The following TNIP2 variants were observed in gnomAD, a reference collection of about 807,000 sequenced individuals.
TNIP2 encodes the protein TNFAIP3 interacting protein 2.
TNIP2 carries 30 observed loss-of-function variants against 43.7 expected under a neutral mutation model. The observed-to-expected ratio is 0.69, with a 90% confidence interval of 0.51 to 0.93. TNIP2 has a LOEUF of 0.93. TNIP2 is among the 40% of genes least tolerant of loss of function. The pLI is 0.00. For missense variants in TNIP2, 599 were observed against 591.0 expected, an observed-to-expected ratio of 1.01 and a Z score of -0.14; for synonymous variants, 260 against 254.6, an observed-to-expected ratio of 1.02 and a Z score of -0.20.
At position 2,742,430 on chromosome 4, in the gene TNIP2, C is replaced by T; in HGVS notation, c.1117G>A (p.Gly373Ser). 1 of 1,613,016 alleles carries T rather than the reference C, an allele frequency of 6.2e-7. No homozygotes were observed. The highest frequency in any genetic ancestry group is 1.1e-5 in the South Asian group (1 of 90,882). Reference sequence around the variant, plus strand: ...GACCCAGTCCCAGGCCTCCAGCCACCAGGCACCATAAGCTCTAATGCGTCG... The same window carrying T: ...GACCCAGTCCCAGGCCTCCAGCCACTAGGCACCATAAGCTCTAATGCGTCG... ...AADALELMVP[G>S]GWRPGTGSQQ... The change falls in exon 6 of 6, where the codon GGT (glycine) becomes AGT (serine). Residue 373 changes from glycine (G) to serine (S), a missense_variant. Gly to Ser is a moderately conservative substitution (Grantham distance 56, BLOSUM62 0). Transcript: ENST00000315423.
rs1290033247 is a variant in TNIP2 at position 2,744,305 on chromosome 4, GAC to G, written c.1026+80_1026+81del. The G allele has an allele frequency of 6.4e-7, 1 of 1,564,766 alleles. No homozygotes were observed. Among genetic ancestry groups the G allele is most frequent in the East Asian group, 2.3e-5 (1 of 44,278 alleles). On this transcript the variant is annotated intron_variant, in intron 5 of 5. Coordinates refer to ENST00000315423, the MANE Select transcript of TNIP2 (RefSeq NM_024309.4). This position sits in a 1 kb window ranked among gnomAD's most constrained non-coding sequence, Gnocchi z 5.1. ...TCACCAGCAAATCAGGGCCTTGGCA[GAC>G]ACAGAAAGGCTCTAATCTCATGAGA...
chr4:2,751,264 T>G lies in TNIP2; in HGVS notation c.277-3319A>C, dbSNP rs1577311651. The stretch of plus-strand genomic sequence containing the variant: ...GAAAACAAGGTACGAGCTGGAGTTG[T>G]GGGTCTACACACACAGGCACAACAC... On this transcript the variant is annotated intron_variant, in intron 1 of 5. Coordinates refer to ENST00000315423, the MANE Select transcript of TNIP2 (RefSeq NM_024309.4). Among the ~76,000 whole-genome samples the G allele has an allele frequency of 2.0e-5, 3 of 152,314 alleles. No homozygotes were observed. In the South Asian group the frequency reaches 6.2e-4, roughly 32 times the overall value.
At chr4:2,755,331 C>T (rs1340686586) in intron 1 of TNIP2, among the ~76,000 whole-genome samples, 2 of 151,484 alleles carry the variant, frequency 1.3e-5, no homozygotes, top group African/African-American at 4.9e-5. Context: ...GAATGTGTTC[C>T]CACACACGAA....
chr4:2,754,940 G>T (rs1722190673), intron 1 of TNIP2, among the ~76,000 whole-genome samples: 1 of 152,072 alleles, frequency 6.6e-6, no homozygotes, highest in South Asian at 2.1e-4. Context: ...GCTCAGCCTT[G>T]TCTCGAACTC....
Position 2,744,774 on chromosome 4 carries a change from C to G in TNIP2, c.829G>C (p.Glu277Gln), listed in dbSNP as rs753631024. 6.8e-6 allele frequency: 11 copies of G among 1,611,460 alleles called. No homozygotes were observed. In the South Asian group the frequency reaches 1.2e-4, roughly 18 times the overall value. ...GAGGCCGCCAGCTCCTGCTTCACTT[C>G]GGCACAGTCATTTATTTTCTCTTCC... ...QLEEKINDCA[E>Q]VKQELAASRT... Residue 277 changes from glutamate to glutamine, a missense_variant, in exon 4 of 6, where the codon GAA (glutamate) becomes CAA (glutamine). Transcript: ENST00000315423. This position sits in a 1 kb window ranked among gnomAD's most constrained non-coding sequence, Gnocchi z 5.1.
chr4:2,755,273 AC>A (rs1722200673), intron 1 of TNIP2, among the ~76,000 whole-genome samples: 1 of 151,644 alleles, frequency 6.6e-6, no homozygotes, highest in African/African-American at 2.4e-5. Context: ...GAACATACAC[AC>A]TACACAATAC....
Position 2,747,635 on chromosome 4 carries a change from C to T in TNIP2, c.567+20G>A. 2 of 1,585,412 alleles carry T rather than the reference C, an allele frequency of 1.3e-6. No homozygotes were observed. The highest frequency in any genetic ancestry group is 1.1e-5 in the South Asian group (1 of 90,008). On this transcript the variant is annotated intron_variant, in intron 2 of 5. Coordinates refer to ENST00000315423, the MANE Select transcript of TNIP2 (RefSeq NM_024309.4). ...AGCACACAGAGGTCTTCCCCACACTCTGCTTACACTGTGGCCTACCTGGTC... is the reference window on the plus strand; with the variant it reads ...AGCACACAGAGGTCTTCCCCACACTTTGCTTACACTGTGGCCTACCTGGTC...
At chr4:2,743,257 A>G (rs894934944) in intron 5 of TNIP2, among the ~76,000 whole-genome samples, 4 of 152,102 alleles carry the variant, frequency 2.6e-5, no homozygotes, top group Non-Finnish European at 4.4e-5. Context: ...AAAGGGAACC[A>G]GAGGCCACTT....
rs760224582 is a variant in TNIP2 at position 2,747,808 on chromosome 4, G to A, written c.414C>T (p.Ala138=). Reference sequence around the variant, plus strand: ...AGGAGCGGCACAGGACGTCACTGGCGGCCCGGGCGCGCTCCCCTTCTGCCA... The same window carrying A: ...AGGAGCGGCACAGGACGTCACTGGCAGCCCGGGCGCGCTCCCCTTCTGCCA... ...RSMAEGERAR[A]ASDVLCRSLA... The change falls in exon 2 of 6, where the codon GCC becomes GCT. Residue 138 remains alanine, a synonymous_variant. Transcript: ENST00000315423. 3.6e-5 allele frequency: 58 copies of A among 1,612,874 alleles called. No homozygotes were observed. Among genetic ancestry groups the A allele is most frequent in the Non-Finnish European group, 4.7e-5 (56 of 1,180,048 alleles).
chr4:2,754,290 T>C (rs953892939), intron 1 of TNIP2, among the ~76,000 whole-genome samples: 1 of 152,266 alleles, frequency 6.6e-6, no homozygotes. Flanking sequence ...ATGTTTCAGA[T>C]GCTTGCAAAT....
chr4:2,749,957 C>T (rs1338387726), intron 1 of TNIP2, among the ~76,000 whole-genome samples: 1 of 152,152 alleles, frequency 6.6e-6, no homozygotes, highest in Non-Finnish European at 1.5e-5. Context: ...ATTACAAGTG[C>T]ATGCCACCGT....
chr4:2,752,648 C>A (rs1722132315), intron 1 of TNIP2, among the ~76,000 whole-genome samples: 2 of 152,184 alleles, frequency 1.3e-5, no homozygotes, highest in South Asian at 4.1e-4. Context: ...CCTCAGTGAA[C>A]CCAGGGCCTG....
chr4:2,745,590 G>C (rs1487578820), intron 2 of TNIP2, 55 bp from the exon 3 acceptor site: 4 of 1,302,254 alleles, frequency 3.1e-6, no homozygotes, highest in Non-Finnish European at 3.3e-6. Context: ...CAAGAGGGGA[G>C]AAAGCTAGAC....
chr4:2,748,686 G>C (rs1722020414), intron 1 of TNIP2, among the ~76,000 whole-genome samples: 1 of 134,246 alleles, frequency 7.4e-6, no homozygotes, highest in Non-Finnish European at 1.6e-5. Context: ...TAGAGACGGG[G>C]TTTCACCATG....
intron 2 of TNIP2, among the ~76,000 whole-genome samples, chr4:2,746,535 C>G (rs1721952375): frequency 6.6e-6 from 1 of 152,244 alleles, no homozygotes; most frequent in Non-Finnish European, 1.5e-5. Flanking sequence ...TGTGTCCTCT[C>G]TGAGGTTCCC....
rs1405223073 is a variant in TNIP2, at chr4:2,742,320, CAGGCAGTGAGGGCACTGA to C, written c.1209_1226del (p.Pro406_Cys411del). The stretch of plus-strand genomic sequence containing the variant: ...CCCCTTGCTCGTCACTGAAGCACTG[CAGGCAGTGAGGGCACTGA>C]AGGTCCCCCTGGCCTCTCTGGGCCG... On this transcript the variant is annotated inframe_deletion, in exon 6 of 6. Coordinates refer to ENST00000315423, the MANE Select transcript of TNIP2 (RefSeq NM_024309.4). 6.4e-7 allele frequency: 1 copy of C among 1,557,026 alleles called. No homozygotes were observed. Among genetic ancestry groups the C allele is most frequent in the Non-Finnish European group, 8.7e-7 (1 of 1,149,172 alleles).
At chr4:2,751,462 G>A (rs963720427) in intron 1 of TNIP2, among the ~76,000 whole-genome samples, 13 of 152,200 alleles carry the variant, frequency 8.5e-5, no homozygotes, top group African/African-American at 2.9e-4. Flanking sequence ...CGGCAACAAA[G>A]TATCACAAAC....
rs1339937357 is a variant in TNIP2, at chr4:2,756,163, C to A, written c.127G>T (p.Ala43Ser). ...RLQDQLAARD[A>S]LIARLRARLA... ...CGGGCGCGGAGGCGAGCGATGAGGG[C>A]GTCGCGGGCAGCGAGCTGGTCCTGC... Residue 43 changes from alanine to serine, a missense_variant, in exon 1 of 6, where the codon GCC becomes TCC. By Grantham distance (99) the Ala-to-Ser change is moderately conservative. Transcript: ENST00000315423. The A allele has an allele frequency of 1.4e-6, 2 of 1,477,552 alleles. No individual in the cohort carries two copies. Among genetic ancestry groups the A allele is most frequent in the African/African-American group, 1.5e-5 (1 of 68,232 alleles). The allele number at this position is 1,477,552 out of a possible 1,614,324, so 91.5% of individuals were successfully genotyped here.
In TNIP2 at chr4:2,744,472, C is replaced by G. The variant is rs1416761010; in HGVS notation, c.941G>C (p.Arg314Thr). The G allele has an allele frequency of 6.2e-7, 1 of 1,614,254 alleles. No homozygotes were observed. Residue 314 changes from arginine (R) to threonine (T), a missense_variant, in exon 5 of 6, where the codon AGG becomes ACG. Coordinates refer to ENST00000315423, the MANE Select transcript of TNIP2 (RefSeq NM_024309.4). The surrounding 1 kb of genome is among the most constrained non-coding windows in gnomAD (Gnocchi z 5.1). ...LAYKDDFMSE[R>T]ADRERAQSRI... The stretch of plus-strand genomic sequence containing the variant: ...ACTTTGAGCCCGTTCCCGATCGGCC[C>G]TTTCTGACATGAAGTCATCCTTGTA...
Sources: allele counts gnomAD v4.1 joint callset (sites outside exome capture counted in the v4.1 genomes callset), GRCh38; gene constraint gnomAD v4.1.1; non-coding constraint Gnocchi (gnomAD v3.1); transcripts MANE v1.5; gene names NCBI Gene and HGNC (gene_info 2026-07-23, HGNC 2026-07-21).